Variants in GAS2L3 observed in about 807,000 individuals in gnomAD.
The protein encoded by GAS2L3 is GAS2-like protein 3.
Under a neutral mutation model 37.0 loss-of-function variants are expected in GAS2L3, and 28 were observed. The observed-to-expected ratio is 0.76, with a 90% CI of 0.56 to 1.04. GAS2L3 has a LOEUF of 1.04. Among genes scored for constraint, GAS2L3 ranks in the 50% least tolerant of loss-of-function variants. The pLI is 0.00. For missense variants in GAS2L3, 793 were observed against 817.6 expected, an observed-to-expected ratio of 0.97 and a Z score of 0.37; for synonymous variants, 290 against 296.6, an observed-to-expected ratio of 0.98 and a Z score of 0.23.
At chr12:100,593,596 C>T (rs1283870228) in intron 2 of GAS2L3, 1 of 152,132 alleles carries the variant, frequency 6.6e-6, no homozygotes, top group Non-Finnish European at 1.5e-5. Context: ...GCAGCTCCAA[C>T]TGTTAAAGCT....
chr12:100,585,132 C>T (rs1340565270), intron 1 of GAS2L3, among the ~76,000 whole-genome samples: 1 of 149,856 alleles, frequency 6.7e-6, no homozygotes, highest in Non-Finnish European at 1.5e-5. Context: ...ATCTTCTGAC[C>T]TCATGATCTG....
chr12:100,620,994 G>C (rs1265561040), intron 8 of GAS2L3, among the ~76,000 whole-genome samples: 2 of 151,980 alleles, frequency 1.3e-5, no homozygotes, highest in Non-Finnish European at 2.9e-5. Context: ...AGTTCTATTT[G>C]TTTATACGCA....
At chr12:100,607,269 T>C (rs1241056116) in intron 5 of GAS2L3, among the ~76,000 whole-genome samples, 2 of 152,190 alleles carry the variant, frequency 1.3e-5, no homozygotes, top group Non-Finnish European at 2.9e-5. Context: ...GCCTGTAAGG[T>C]TTCCACTGAA....
intron 1 of GAS2L3, among the ~76,000 whole-genome samples, chr12:100,575,386 A>G (rs111826113): frequency 8.4e-4 from 128 of 152,198 alleles, no homozygotes; most frequent in African/African-American, 2.9e-3. Context: ...CTATTTATCA[A>G]ACACATCATT....
At chr12:100,595,019 G>A (rs1300977683) in intron 3 of GAS2L3, 97 bp downstream of exon 3, 2 of 522,144 alleles carry the variant, frequency 3.8e-6, no homozygotes, top group Non-Finnish European at 6.5e-6. Context: ...TGTTCTTATT[G>A]TGCTAGTTTT....
Position 100,624,367 on chromosome 12 carries a change from T to C in GAS2L3, c.1562T>C (p.Met521Thr), listed in dbSNP as rs761589290. ...CCTTCTTTCCAGTCCTCTGCAAAAATGACAAAAACCAGTTCCAAAACCATA... is the reference window on the plus strand; with the variant it reads ...CCTTCTTTCCAGTCCTCTGCAAAAACGACAAAAACCAGTTCCAAAACCATA... ...PKPSFQSSAKMTKTSSKTIAT... is the reference protein window; with the variant it reads ...PKPSFQSSAKTTKTSSKTIAT... Residue 521 changes from methionine to threonine, a missense_variant, in exon 10 of 10, where the codon ATG becomes ACG. By Grantham distance (81) the Met-to-Thr change is moderately conservative. Transcript: ENST00000547754. 1.2e-6 allele frequency: 2 copies of C among 1,613,910 alleles called. No individual in the cohort carries two copies. The highest frequency in any genetic ancestry group is 1.7e-6 in the Non-Finnish European group (2 of 1,180,004).
intron 8 of GAS2L3, among the ~76,000 whole-genome samples, chr12:100,620,638 C>A (rs1022517344): frequency 2.0e-5 from 3 of 152,016 alleles, no homozygotes; most frequent in Non-Finnish European, 4.4e-5. Flanking sequence ...TGAATACATT[C>A]ATTGTCTACC....
intron 1 of GAS2L3, among the ~76,000 whole-genome samples, chr12:100,591,288 A>G (rs540119753): frequency 2.0e-5 from 3 of 152,234 alleles, no homozygotes; most frequent in African/African-American, 7.2e-5. Flanking sequence ...TCACAGCGCA[A>G]ACAGTTAAAT....
In GAS2L3 at chr12:100,579,282, G is replaced by A. The variant is rs562260614; in HGVS notation, c.-152+5497G>A. 3.1e-5 allele frequency: 19 copies of A among 617,682 alleles called. 1 individual carries two copies. Among genetic ancestry groups the A allele is most frequent in the South Asian group, 1.3e-4 (7 of 53,324 alleles). 38.3% of individuals were successfully genotyped at this position (617,682 alleles called of 1,614,324 possible). A position where few individuals can be genotyped will look rare whatever the true frequency, so the allele number is the denominator to read the frequency against. ...ACTGTGTCTCTTTGTGACACAAGCC[G>A]TATCATTTGCGTTTCTTATACTAGT... On this transcript the variant is annotated intron_variant, in intron 1 of 9. Transcript: ENST00000547754.
chr12:100,624,638 C>T lies in GAS2L3; in HGVS notation c.1833C>T (p.Thr611=), dbSNP rs1332294700. 1 of 1,614,050 alleles carries T rather than the reference C, an allele frequency of 6.2e-7. No homozygotes were observed. The highest frequency in any genetic ancestry group is 1.3e-5 in the African/African-American group (1 of 75,014). The change falls in exon 10 of 10, where the codon ACC becomes ACT. Residue 611 remains threonine, a synonymous_variant. Transcript: ENST00000547754. ...GCTCCTTGAAGTCTCCTGGCCGTAC[C>T]CCACTGTCCATCGTGAGCCTACCCC... is the stretch of plus-strand genomic sequence containing the variant. ...GPSSLKSPGR[T]PLSIVSLPQS... is the part of the protein sequence containing the mutation.
At position 100,622,705 on chromosome 12, in the gene GAS2L3, T is replaced by C. The variant is rs1006832193; in HGVS notation, c.756+323T>C. 8.1e-5 allele frequency among the ~76,000 whole-genome samples: 5 copies of C among 61,486 alleles called. No homozygotes were observed. The South Asian group carries it at 2.9e-3, about 36-fold the overall frequency. The allele number at this position is 61,486 out of a possible 152,430, so 40.3% of individuals were successfully genotyped here. On this transcript the variant is annotated intron_variant, in intron 9 of 9. Transcript: ENST00000547754. Reference sequence around the variant, plus strand: ...TAGAAAAAGGAATAATTTTCCATCATAAGAAGAAAAACCAAAACATCTAAT... The same window carrying C: ...TAGAAAAAGGAATAATTTTCCATCACAAGAAGAAAAACCAAAACATCTAAT...
chr12:100,589,585 T>C (rs1486015370), intron 1 of GAS2L3, among the ~76,000 whole-genome samples: 1 of 152,102 alleles, frequency 6.6e-6, no homozygotes, highest in Non-Finnish European at 1.5e-5. Context: ...CTAAAATTCA[T>C]ATGGAACCAA....
intron 1 of GAS2L3, among the ~76,000 whole-genome samples, chr12:100,586,599 C>A (rs1955784721): frequency 6.6e-6 from 1 of 152,162 alleles, no homozygotes; most frequent in South Asian, 2.1e-4. Flanking sequence ...GAGGAAAGTT[C>A]ATTGCCCCAA....
chr12:100,579,812 G>A (rs1955686974), intron 1 of GAS2L3: 1 of 723,756 alleles, frequency 1.4e-6, no homozygotes, highest in East Asian at 2.4e-5. Flanking sequence ...CTTTGTGTGA[G>A]GGATTGGAAA....
intron 1 of GAS2L3, among the ~76,000 whole-genome samples, chr12:100,582,791 T>G (rs577092463): frequency 9.0e-4 from 137 of 152,342 alleles, no homozygotes; most frequent in African/African-American, 3.1e-3. Flanking sequence ...TCAGGGTCTT[T>G]CAGTGCTAAA....
chr12:100,591,944 A>T (rs750233753), intron 2 of GAS2L3, 88 bp downstream of exon 2: 1 of 152,160 alleles, frequency 6.6e-6, no homozygotes, highest in Non-Finnish European at 1.5e-5. Flanking sequence ...GGCAGTTAGG[A>T]AACATTTAAC....
In GAS2L3 at chr12:100,623,673, C is replaced by T; in HGVS notation, c.868C>T (p.Gln290Ter). The change falls in exon 10 of 10, where the codon CAA becomes TAA. Residue 290 changes from glutamine to a stop codon, truncating the protein, a stop_gained. Transcript: ENST00000547754. LOFTEE classifies it low-confidence loss of function (END_TRUNC). Reference protein sequence around the residue: ...CRILQFATLEQKILAFQKGVS... With the variant: ...CRILQFATLE ...AATATTACAGTTTGCCACATTAGAA[C>T]AAAAAATTTTAGCATTTCAAAAAGG... 6 of 1,613,896 alleles carry T rather than the reference C, an allele frequency of 3.7e-6. No individual in the cohort carries two copies. The highest frequency in any genetic ancestry group is 5.1e-6 in the Non-Finnish European group (6 of 1,179,856).
In GAS2L3 at chr12:100,624,965, TTG is replaced by T; in HGVS notation, c.*79_*80del. On this transcript the variant is annotated 3_prime_UTR_variant, in exon 10 of 10. Coordinates refer to ENST00000547754, the MANE Select transcript of GAS2L3 (RefSeq NM_174942.3). ...TTCACATCTTAAAAGTTTCTCCTAT[TTG>T]TGTCTGTCTAAATAGGTGCAGACAC... is the stretch of plus-strand genomic sequence containing the variant. 8.4e-7 allele frequency: 1 copy of T among 1,187,110 alleles called. No homozygotes were observed. The highest frequency in any genetic ancestry group is 2.2e-5 in the Admixed American group (1 of 45,116). 73.5% of individuals were successfully genotyped at this position (1,187,110 alleles called of 1,614,324 possible). A position where few individuals can be genotyped will look rare whatever the true frequency, so the allele number is the denominator to read the frequency against.
At chr12:100,622,749 TA>T in intron 9 of GAS2L3, among the ~76,000 whole-genome samples, 155 of 26,806 alleles carry the variant, frequency 5.8e-3, no homozygotes, top group Middle Eastern at 0.062. Flanking sequence ...GTATCCATAG[TA>T]AAAAAAAAAA....
Sources: allele counts gnomAD v4.1 joint callset (sites outside exome capture counted in the v4.1 genomes callset), GRCh38; gene constraint gnomAD v4.1.1; transcripts MANE v1.5; gene names NCBI Gene and HGNC (gene_info 2026-07-23, HGNC 2026-07-21).